The following CPED1 variants were observed in gnomAD, a reference collection of about 807,000 sequenced individuals.
CPED1 encodes the protein cadherin like and PC-esterase domain containing 1, also known as cadherin-like and PC-esterase domain-containing protein 1.
CPED1 carries 114 observed loss-of-function variants against 128.2 expected under a neutral mutation model. The observed-to-expected ratio is 0.89, with a 90% CI of 0.76 to 1.04. The LOEUF (loss-of-function observed/expected upper bound fraction) is 1.04, where lower values mean the gene tolerates loss of function less well. Among genes scored for constraint, CPED1 ranks in the 50% least tolerant of loss-of-function variants. The pLI, the probability that CPED1 is intolerant of heterozygous loss-of-function variation, is 0.00. For synonymous variants in CPED1, 462 were observed against 426.7 expected (o/e 1.08, Z -1.02); for missense variants, 1,211 against 1,207.1 (o/e 1.00, Z -0.05).
intron 22 of CPED1, among the ~76,000 whole-genome samples, chr7:121,289,637 A>G (rs998320086): frequency 2.0e-5 from 3 of 152,194 alleles, no homozygotes; most frequent in Admixed American, 6.5e-5. Context: ...ATGAAAAAAT[A>G]TGTACCTAAA....
chr7:121,190,225 A>C (rs1797103347), intron 16 of CPED1, among the ~76,000 whole-genome samples: 1 of 151,982 alleles, frequency 6.6e-6, no homozygotes. Context: ...GAAGCCTTTC[A>C]GCTATCTGGT....
At chr7:120,994,108 A>G (rs1796353859) in intron 2 of CPED1, 1 of 155,272 alleles carries the variant, frequency 6.4e-6, no homozygotes. Context: ...AGAAAGGTAG[A>G]TGAGGCAATG....
At chr7:121,145,939 T>G (rs1329558648) in intron 16 of CPED1, among the ~76,000 whole-genome samples, 1 of 152,034 alleles carries the variant, frequency 6.6e-6, no homozygotes, top group East Asian at 1.9e-4. Context: ...TGAACTAAAC[T>G]TTTATTATAT....
chr7:121,084,250 T>C (rs1371840320), intron 5 of CPED1, among the ~76,000 whole-genome samples: 1 of 152,226 alleles, frequency 6.6e-6, no homozygotes, highest in Non-Finnish European at 1.5e-5. Flanking sequence ...CATTGACACC[T>C]GGTTGATCCA....
At chr7:121,146,270 G>A (rs921923123) in intron 16 of CPED1, among the ~76,000 whole-genome samples, 1 of 152,042 alleles carries the variant, frequency 6.6e-6, no homozygotes, top group Non-Finnish European at 1.5e-5. Flanking sequence ...GACGCAAAGG[G>A]CAGCAAAAGG....
At chr7:121,071,229 AT>A (rs1008002356) in intron 5 of CPED1, among the ~76,000 whole-genome samples, 5 of 152,106 alleles carry the variant, frequency 3.3e-5, no homozygotes, top group Non-Finnish European at 7.4e-5. Context: ...CTCTGGATAA[AT>A]TTCCTCATGT....
chr7:121,057,143 A>G (rs1009973449), intron 4 of CPED1, among the ~76,000 whole-genome samples: 1 of 151,832 alleles, frequency 6.6e-6, no homozygotes, highest in Non-Finnish European at 1.5e-5. Flanking sequence ...AGACTCAGCT[A>G]ATTTTTTTGT....
At chr7:121,209,296 A>AT (rs1797592556) in intron 16 of CPED1, among the ~76,000 whole-genome samples, 1 of 151,932 alleles carries the variant, frequency 6.6e-6, no homozygotes, top group East Asian at 1.9e-4. Flanking sequence ...AGTTATATGG[A>AT]TTTTTCTGGT....
chr7:121,021,102 G>C lies in CPED1; in HGVS notation c.433+5254G>C, dbSNP rs185220042. 2.1e-3 allele frequency among the ~76,000 whole-genome samples: 324 copies of C among 151,970 alleles called. 3 individuals are homozygous for C. The highest frequency in any genetic ancestry group is 7.4e-3 in the African/African-American group (306 of 41,528). On this transcript the variant is annotated intron_variant, in intron 3 of 22. Transcript: ENST00000310396. The stretch of plus-strand genomic sequence containing the variant: ...ATTAAACTTGATACAGTGTGTTCTG[G>C]AGAGTAGTATTTAAATGATGCTGCT...
chr7:121,264,673 T>C (rs4731008), intron 18 of CPED1, among the ~76,000 whole-genome samples: 63,152 of 151,770 alleles, frequency 0.42, 13,583 homozygotes, highest in Middle Eastern at 0.52. Context: ...CAGAAGTACC[T>C]AAGCAATGAT....
chr7:121,139,198 T>A (rs1321313564), intron 14 of CPED1, among the ~76,000 whole-genome samples: 2 of 151,992 alleles, frequency 1.3e-5, no homozygotes, highest in Non-Finnish European at 2.9e-5. Context: ...ACAAGTAAAA[T>A]TAATGAAGCA....
intron 16 of CPED1, among the ~76,000 whole-genome samples, chr7:121,219,567 C>T (rs1797832243): frequency 6.6e-6 from 1 of 151,876 alleles, no homozygotes; most frequent in Admixed American, 6.6e-5. Context: ...AATTTCCTTC[C>T]TTCCTGAGTT....
chr7:120,993,737 A>G (rs573928028), intron 2 of CPED1, among the ~76,000 whole-genome samples: 75 of 152,176 alleles, frequency 4.9e-4, no homozygotes, highest in Admixed American at 3.1e-3. Context: ...GGGAGAGCAA[A>G]CAGAAGGGAG....
At chr7:121,056,179 G>A (rs1243248937) in intron 4 of CPED1, among the ~76,000 whole-genome samples, 1 of 152,038 alleles carries the variant, frequency 6.6e-6, no homozygotes, top group African/African-American at 2.4e-5. Context: ...GAAAAATACT[G>A]AATAACTGAA....
chr7:121,157,242 A>G (rs2056593), intron 16 of CPED1, among the ~76,000 whole-genome samples: 66,756 of 151,942 alleles, frequency 0.44, 15,930 homozygotes, highest in East Asian at 0.84. Flanking sequence ...ATTAATTTCT[A>G]GTGCGTGTAT....
intron 3 of CPED1, among the ~76,000 whole-genome samples, chr7:121,039,456 C>A (rs1394285924): frequency 6.6e-6 from 1 of 152,020 alleles, no homozygotes; most frequent in African/African-American, 2.4e-5. Flanking sequence ...CAACATGTTT[C>A]CTTTTATTGG....
At chr7:121,188,838 A>G (rs1797061450) in intron 16 of CPED1, among the ~76,000 whole-genome samples, 1 of 152,148 alleles carries the variant, frequency 6.6e-6, no homozygotes, top group African/African-American at 2.4e-5. Context: ...CAGATACGCC[A>G]TTATGTCATT....
intron 6 of CPED1, among the ~76,000 whole-genome samples, chr7:121,098,769 T>TATATATAAATATATATAA (rs1439321554): frequency 6.6e-4 from 8 of 12,176 alleles, no homozygotes; most frequent in Non-Finnish European, 1.5e-3. Context: ...TATATATAAA[T>TATATATAAATATATATAA]ATATATATAT....
chr7:120,990,827 C>G (rs148042761), intron 2 of CPED1, among the ~76,000 whole-genome samples: 254 of 152,310 alleles, frequency 1.7e-3, no homozygotes, highest in African/African-American at 5.9e-3. Flanking sequence ...AACACCAGCT[C>G]CGTTGCTACC....
Sources: gnomAD v4.1 joint callset for allele counts (sites outside exome capture counted in the v4.1 genomes callset) on GRCh38, gnomAD v4.1.1 for gene constraint, MANE v1.5 for transcripts, NCBI Gene and HGNC (gene_info 2026-07-23, HGNC 2026-07-21) for gene names.